The following ATP8A2 variants were observed in gnomAD, a reference collection of about 807,000 sequenced individuals.
The protein encoded by ATP8A2 is ATPase phospholipid transporting 8A2, also known as phospholipid-transporting ATPase IB.
Under a neutral mutation model 165.6 loss-of-function variants are expected in ATP8A2, and 100 were observed. The ratio of observed to expected loss-of-function variants is 0.60; its 90% CI spans 0.51 to 0.71. The LOEUF is 0.71. Among genes scored for constraint, ATP8A2 ranks in the 30% least tolerant of loss-of-function variants. ATP8A2 has a pLI of 0.00. For missense variants in ATP8A2, 1,227 were observed against 1,479.5 expected, an observed-to-expected ratio of 0.83 and a Z score of 2.80; for synonymous variants, 543 against 548.8, an observed-to-expected ratio of 0.99 and a Z score of 0.15.
chr13:25,393,649 C>T (rs2033324724), intron 1 of ATP8A2, among the ~76,000 whole-genome samples: 1 of 152,200 alleles, frequency 6.6e-6, no homozygotes, highest in African/African-American at 2.4e-5. Flanking sequence ...CTCCTGACCT[C>T]AGGTGATCTG....
intron 33 of ATP8A2, among the ~76,000 whole-genome samples, chr13:25,958,869 C>T (rs909602809): frequency 1.1e-4 from 16 of 152,136 alleles, no homozygotes; most frequent in African/African-American, 3.6e-4. Context: ...TTCCTTTTTT[C>T]CCTCAGCAAC....
At chr13:25,614,551 G>A (rs2040772432) in intron 24 of ATP8A2, among the ~76,000 whole-genome samples, 1 of 152,082 alleles carries the variant, frequency 6.6e-6, no homozygotes, top group Non-Finnish European at 1.5e-5. Flanking sequence ...GAGCTAGTGT[G>A]ATCTTTTGGA....
At chr13:25,628,834 A>G (rs555450801) in intron 24 of ATP8A2, among the ~76,000 whole-genome samples, 12 of 152,322 alleles carry the variant, frequency 7.9e-5, no homozygotes, top group African/African-American at 2.9e-4. Context: ...CTCTGTCTTC[A>G]GGTAAGGTCA....
At chr13:25,650,210 T>C (rs578036361) in intron 24 of ATP8A2, among the ~76,000 whole-genome samples, 34 of 152,334 alleles carry the variant, frequency 2.2e-4, no homozygotes, top group African/African-American at 7.7e-4. Flanking sequence ...TTCCATGCTG[T>C]GGACCACACA....
intron 33 of ATP8A2, among the ~76,000 whole-genome samples, chr13:25,955,319 A>C (rs989830929): frequency 6.6e-6 from 1 of 152,226 alleles, no homozygotes; most frequent in Admixed American, 6.5e-5. Flanking sequence ...CCCTTCAAAA[A>C]AATCAGTTAA....
intron 33 of ATP8A2, among the ~76,000 whole-genome samples, chr13:25,943,543 T>A (rs1190312130): frequency 6.6e-6 from 1 of 152,158 alleles, no homozygotes; most frequent in African/African-American, 2.4e-5. Flanking sequence ...TAGTGTGCAA[T>A]CCCATCTAGG....
At chr13:25,961,498 T>G in intron 33 of ATP8A2, 77 bp from the exon 34 acceptor site, 1 of 1,206,376 alleles carries the variant, frequency 8.3e-7, no homozygotes, top group Non-Finnish European at 1.2e-6. Flanking sequence ...TTGTGAAATA[T>G]TATCCTTGAT....
chr13:25,657,185 C>G lies in ATP8A2; in HGVS notation c.2212-41988C>G, dbSNP rs546042815. On this transcript the variant is annotated intron_variant, in intron 24 of 36. Coordinates refer to ENST00000381655, the MANE Select transcript of ATP8A2 (RefSeq NM_016529.6). ...ACACTGACTTTATAACTCCAGAAAGCCACATGAAATGAGTTTGGTGTTCAG... is the reference window on the plus strand; with the variant it reads ...ACACTGACTTTATAACTCCAGAAAGGCACATGAAATGAGTTTGGTGTTCAG... 2.0e-5 allele frequency among the ~76,000 whole-genome samples: 3 copies of G among 151,916 alleles called. No individual in the cohort carries two copies. In the South Asian group the frequency reaches 6.3e-4, roughly 32 times the overall value.
At chr13:25,781,636 G>A (rs1464742568) in intron 27 of ATP8A2, among the ~76,000 whole-genome samples, 1 of 151,924 alleles carries the variant, frequency 6.6e-6, no homozygotes, top group Non-Finnish European at 1.5e-5. Flanking sequence ...TTACAGGAGT[G>A]CACCACCACA....
intron 1 of ATP8A2, among the ~76,000 whole-genome samples, chr13:25,373,475 CAG>C (rs962833973): frequency 2.0e-5 from 3 of 152,082 alleles, no homozygotes; most frequent in Non-Finnish European, 4.4e-5. Context: ...AGAGCTGTGG[CAG>C]AGAGACAGTG....
At chr13:25,901,277 G>T (rs571965601) in intron 33 of ATP8A2, among the ~76,000 whole-genome samples, 1 of 152,116 alleles carries the variant, frequency 6.6e-6, no homozygotes, top group African/African-American at 2.4e-5. Context: ...AATAAGGGAA[G>T]CAGAAAGGTG....
intron 24 of ATP8A2, among the ~76,000 whole-genome samples, chr13:25,666,301 C>G (rs2042152806): frequency 6.6e-6 from 1 of 152,116 alleles, no homozygotes; most frequent in Non-Finnish European, 1.5e-5. Context: ...ACCTATACTT[C>G]CCAGTTCAAG....
chr13:25,815,505 A>G (rs1368622484), intron 27 of ATP8A2, among the ~76,000 whole-genome samples: 1 of 152,220 alleles, frequency 6.6e-6, no homozygotes, highest in East Asian at 1.9e-4. Flanking sequence ...CTTCATACCC[A>G]TTAGGATGTC....
intron 33 of ATP8A2, among the ~76,000 whole-genome samples, chr13:25,957,260 A>C (rs1483143993): frequency 6.6e-6 from 1 of 152,250 alleles, no homozygotes; most frequent in Admixed American, 6.5e-5. Context: ...CAAAAGCCAA[A>C]ATTGACAAAT....
chr13:25,810,474 G>A (rs1406191051), intron 27 of ATP8A2, among the ~76,000 whole-genome samples: 1 of 149,078 alleles, frequency 6.7e-6, no homozygotes, highest in East Asian at 2.0e-4. Flanking sequence ...ATTGGGCCCA[G>A]CCCCAATTTA....
chr13:25,568,421 A>G (rs1024159334), intron 16 of ATP8A2, among the ~76,000 whole-genome samples: 7 of 152,144 alleles, frequency 4.6e-5, no homozygotes, highest in African/African-American at 1.7e-4. Flanking sequence ...AACATGTATC[A>G]TTTTCTGCTA....
Position 25,372,155 on chromosome 13 carries a change from G to A in ATP8A2, c.-58G>A. The A allele has an allele frequency of 7.8e-7, 1 of 1,288,350 alleles. No homozygotes were observed. The highest frequency in any genetic ancestry group is 1.0e-6 in the Non-Finnish European group (1 of 981,684). 79.8% of individuals were successfully genotyped at this position (1,288,350 alleles called of 1,614,324 possible). On this transcript the variant is annotated 5_prime_UTR_variant, in exon 1 of 37. Transcript: ENST00000381655. The surrounding 1 kb of genome is among the most constrained non-coding windows in gnomAD (Gnocchi z 4.8). ...CCTCGGGCGGCGGCCCCTGCGCCCA[G>A]CCCTGCGCGTAGCCTCCGTCTCTCG...
chr13:25,642,924 G>T (rs2041570041), intron 24 of ATP8A2, among the ~76,000 whole-genome samples: 1 of 152,294 alleles, frequency 6.6e-6, no homozygotes, highest in Admixed American at 6.5e-5. Context: ...GGACATGGAT[G>T]AAGCTGGAAA....
In ATP8A2 at chr13:26,025,703, G is replaced by T. The variant is rs1957156161; in HGVS notation, c.*5718G>T. On this transcript the variant is annotated 3_prime_UTR_variant, in exon 37 of 37. Transcript: ENST00000381655. ...ACAGCAGCACATTACAGTGCACTGG[G>T]TTCCCTCCTGGAGTGAATACAAACG... 1 of 152,140 alleles carries T rather than the reference G, an allele frequency of 6.6e-6. No homozygotes were observed. Among genetic ancestry groups the T allele is most frequent in the Non-Finnish European group, 1.5e-5 (1 of 68,038 alleles). The allele number at this position is 152,140 out of a possible 1,614,324, so 9.4% of individuals were successfully genotyped here.
Sources: allele counts gnomAD v4.1 joint callset (sites outside exome capture counted in the v4.1 genomes callset), GRCh38; gene constraint gnomAD v4.1.1; non-coding constraint Gnocchi (gnomAD v3.1); transcripts MANE v1.5; gene names NCBI Gene and HGNC (gene_info 2026-07-23, HGNC 2026-07-21).